NFS1: variants seen among roughly 807,000 people sequenced by gnomAD.
NFS1 encodes cysteine desulfurase.
Under a neutral mutation model 57.3 loss-of-function variants are expected in NFS1, and 26 were observed. That is an observed-to-expected ratio of 0.45 (90% confidence interval 0.33 to 0.63). The LOEUF is 0.63. Ranked by LOEUF, NFS1 falls within the 20% of genes least tolerant of loss-of-function variation. The pLI is 0.02. For synonymous variants in NFS1, 209 were observed against 216.3 expected, an observed-to-expected ratio of 0.97 and a Z score of 0.30; for missense variants, 505 against 605.8, an observed-to-expected ratio of 0.83 and a Z score of 1.75.
intron 10 of NFS1, chr20:35,673,976 A>G (rs532264524): frequency 1.6e-5 from 7 of 447,276 alleles, no homozygotes; most frequent in South Asian, 1.4e-4. Flanking sequence ...GCAGAGGACC[A>G]TGTGCTCACT....
intron 1 of NFS1, chr20:35,698,853 A>C: frequency 1.5e-6 from 2 of 1,350,696 alleles, no homozygotes; most frequent in East Asian, 3.1e-5. Context: ...AAGGGCAAAG[A>C]CGTTTAGAAG....
chr20:35,698,401 A>G (rs2035178237), intron 2 of NFS1, 80 bp downstream of exon 2: 1 of 1,104,912 alleles, frequency 9.1e-7, no homozygotes, highest in East Asian at 2.5e-5. Flanking sequence ...TCACTTCTCC[A>G]GGGATTCAGC....
intron 4 of NFS1, among the ~76,000 whole-genome samples, chr20:35,693,994 A>G (rs1353095742): frequency 1.3e-5 from 2 of 151,990 alleles, no homozygotes; most frequent in African/African-American, 4.8e-5. Context: ...TAAAATAACA[A>G]AATTAGACAG....
At chr20:35,680,065 G>A (rs1218581262) in intron 7 of NFS1, among the ~76,000 whole-genome samples, 1 of 152,100 alleles carries the variant, frequency 6.6e-6, no homozygotes, top group Non-Finnish European at 1.5e-5. Context: ...AGCACTTTGG[G>A]AGGCCGAGAC....
chr20:35,680,947 T>G, intron 6 of NFS1, 76 bp from the exon 7 acceptor site: 1 of 1,192,888 alleles, frequency 8.4e-7, no homozygotes, highest in Non-Finnish European at 1.1e-6. Flanking sequence ...GCACTGTGAA[T>G]TATCTCCAAT....
chr20:35,681,613 A>G (rs995714371), intron 6 of NFS1, among the ~76,000 whole-genome samples: 3 of 152,178 alleles, frequency 2.0e-5, no homozygotes, highest in Non-Finnish European at 4.4e-5. Context: ...CGGTAGGATC[A>G]TTTGAACCCA....
At chr20:35,697,302 TAA>T (rs368169006) in intron 3 of NFS1, among the ~76,000 whole-genome samples, 29 of 125,846 alleles carry the variant, frequency 2.3e-4, no homozygotes, top group East Asian at 2.3e-4. Flanking sequence ...CTCCATCTCA[TAA>T]AAAAAAAAAA....
chr20:35,681,111 CA>C (rs2034840925), intron 6 of NFS1, among the ~76,000 whole-genome samples: 1 of 151,694 alleles, frequency 6.6e-6, no homozygotes, highest in African/African-American at 2.4e-5. Flanking sequence ...GGCAAAGCAC[CA>C]GATCGAAACA....
chr20:35,685,794 G>A (rs1172935298), intron 5 of NFS1, among the ~76,000 whole-genome samples: 1 of 134,434 alleles, frequency 7.4e-6, no homozygotes, highest in Non-Finnish European at 1.6e-5. Flanking sequence ...GGAGGCGGAG[G>A]TTGCGATGAG....
chr20:35,683,808 A>G (rs574934759), intron 5 of NFS1, among the ~76,000 whole-genome samples: 12 of 149,854 alleles, frequency 8.0e-5, no homozygotes, highest in African/African-American at 3.0e-4. Context: ...AAAAAAAAAA[A>G]AAAAGAAAGA....
rs1328601447 is a variant in NFS1 at position 35,668,546 on chromosome 20, T to C, written c.*1076A>G. ...ACTTCAGGCCCTTAGCTCTTGCCAT[T>C]CCTTCTCACCTCTCATTTCTAGATT... On this transcript the variant is annotated 3_prime_UTR_variant, in exon 13 of 13. Coordinates refer to ENST00000374092, the MANE Select transcript of NFS1 (RefSeq NM_021100.5). The C allele has an allele frequency of 2.0e-5, 3 of 152,326 alleles. No individual in the cohort carries two copies. Among genetic ancestry groups the C allele is most frequent in the East Asian group, 3.9e-4 (2 of 5,188 alleles). 9.4% of individuals were successfully genotyped at this position (152,326 alleles called of 1,614,324 possible).
chr20:35,672,727 C>T, intron 12 of NFS1, 28 bp downstream of exon 12: 1 of 1,511,748 alleles, frequency 6.6e-7, no homozygotes, highest in Non-Finnish European at 9.2e-7. Flanking sequence ...GAGTTTCTTC[C>T]AAAGCGTCTC....
chr20:35,697,980 C>T (rs2035168455), intron 2 of NFS1, among the ~76,000 whole-genome samples, 180 bp from the exon 3 acceptor site: 1 of 152,206 alleles, frequency 6.6e-6, no homozygotes, highest in Non-Finnish European at 1.5e-5. Context: ...ACCTAATACA[C>T]TCCCACTCAC....
rs777332553 is a variant in NFS1, at chr20:35,681,978, G to A, written c.565C>T (p.Leu189=). Residue 189 remains leucine (L), a synonymous_variant, in exon 6 of 13, where the codon CTA becomes TTA. Transcript: ENST00000374092. The stretch of plus-strand genomic sequence containing the variant: ...GTATCTGGCTGGATAGCAGCCTCTA[G>A]TTCCTAGGGATATGCAGGAGTAAGG... The part of the protein sequence containing the change: ...QKSGIIDLKE[L]EAAIQPDTSL... 1 of 1,595,176 alleles carries A rather than the reference G, an allele frequency of 6.3e-7. No homozygotes were observed. The highest frequency in any genetic ancestry group is 1.7e-5 in the Admixed American group (1 of 59,948).
At chr20:35,695,422 C>T (rs1198938004) in intron 4 of NFS1, among the ~76,000 whole-genome samples, 1 of 152,206 alleles carries the variant, frequency 6.6e-6, no homozygotes, top group Non-Finnish European at 1.5e-5. Flanking sequence ...TTCTCAGAGC[C>T]TTGGCATTTA....
chr20:35,692,639 G>A (rs1188640284), intron 4 of NFS1, among the ~76,000 whole-genome samples: 2 of 150,708 alleles, frequency 1.3e-5, no homozygotes, highest in African/African-American at 4.9e-5. Context: ...AGGCTGCAGT[G>A]AGCTGAGATC....
At position 35,685,558 on chromosome 20, in the gene NFS1, T is replaced by TTATATA. The variant is rs35529809; in HGVS notation, c.562-3583_562-3578dup. 5.8e-3 allele frequency among the ~76,000 whole-genome samples: 832 copies of TTATATA among 143,500 alleles called. 5 individuals carry two copies. The highest frequency in any genetic ancestry group is 0.026 in the Middle Eastern group (7 of 274). 94.1% of individuals were successfully genotyped at this position (143,500 alleles called of 152,430 possible). A position where few individuals can be genotyped will look rare whatever the true frequency, so the allele number is the denominator to read the frequency against. On this transcript the variant is annotated intron_variant, in intron 5 of 12. Transcript: ENST00000374092. ...TTATATATTATATATATAAAATATTTTATATATATATATATAGCAGCCGGG... is the reference window on the plus strand; with the variant it reads ...TTATATATTATATATATAAAATATTTTATATATATATATATATATATAGCAGCCGGG...
rs1225060102 is a variant in NFS1 at position 35,675,100 on chromosome 20, G to A, written c.893C>T (p.Thr298Ile). Residue 298 changes from threonine to isoleucine, a missense_variant, in exon 8 of 13, where the codon ACA becomes ATA. Coordinates refer to ENST00000374092, the MANE Select transcript of NFS1 (RefSeq NM_021100.5). ...AGCCCCCAGCCCCACCACTAAGGGT[G>A]TGGGCACTGTCCCAGACCGCATACC... is the stretch of plus-strand genomic sequence containing the variant. ...ERGMRSGTVP[T>I]PLVVGLGAAC... 1 of 1,614,012 alleles carries A rather than the reference G, an allele frequency of 6.2e-7. No individual in the cohort carries two copies. Among genetic ancestry groups the A allele is most frequent in the Admixed American group, 1.7e-5 (1 of 60,016 alleles).
chr20:35,677,623 G>A (rs2034776222), intron 7 of NFS1, among the ~76,000 whole-genome samples: 1 of 152,196 alleles, frequency 6.6e-6, no homozygotes, highest in Non-Finnish European at 1.5e-5. Flanking sequence ...ATATGAGCAT[G>A]AGCATGCAAA....
Sources: gnomAD v4.1 joint callset for allele counts (sites outside exome capture counted in the v4.1 genomes callset) on GRCh38, gnomAD v4.1.1 for gene constraint, MANE v1.5 for transcripts, NCBI Gene and HGNC (gene_info 2026-07-23, HGNC 2026-07-21) for gene names.